The following SLC44A5 variants were observed in gnomAD, a reference collection of about 807,000 sequenced individuals.
SLC44A5 encodes the protein solute carrier family 44 member 5, also known as choline transporter-like protein 5.
In SLC44A5, 57 loss-of-function variants were observed where a neutral mutation model predicts 101.8. The observed-to-expected ratio is 0.56, with a 90% CI of 0.45 to 0.70. The LOEUF (loss-of-function observed/expected upper bound fraction) is 0.70. Ranked by LOEUF, SLC44A5 falls within the 30% of genes least tolerant of loss-of-function variation. The pLI is 0.00. For missense variants in SLC44A5, 737 were observed against 853.1 expected (o/e 0.86, Z 1.70); for synonymous variants, 281 against 290.9 (o/e 0.97, Z 0.35).
chr1:75,499,072 C>T (rs1019624468), intron 2 of SLC44A5, among the ~76,000 whole-genome samples: 3 of 152,158 alleles, frequency 2.0e-5, no homozygotes, highest in Non-Finnish European at 4.4e-5. Context: ...CAGTAGCATG[C>T]TGTGTAGGTT....
At chr1:75,709,773 A>G in the SLC44A5 span, among the ~76,000 whole-genome samples, 1 of 152,102 alleles carries the variant, frequency 6.6e-6, no homozygotes, top group Admixed American at 6.6e-5. Context: ...TCAGTTTTTA[A>G]TTTTGTTGAT....
intron 6 of SLC44A5, among the ~76,000 whole-genome samples, chr1:75,274,205 G>A (rs979907308): frequency 1.1e-4 from 16 of 151,658 alleles, no homozygotes; most frequent in African/African-American, 3.9e-4. Flanking sequence ...TCTAGAGCCA[G>A]CTTTTATAGA....
intron 4 of SLC44A5, among the ~76,000 whole-genome samples, chr1:75,324,909 T>C (rs550706829): frequency 1.3e-5 from 2 of 152,256 alleles, no homozygotes; most frequent in East Asian, 3.9e-4. Flanking sequence ...ATAGACCCAA[T>C]GAACAATGAA....
chr1:75,303,522 C>G (rs1394780819), intron 4 of SLC44A5, among the ~76,000 whole-genome samples: 1 of 152,118 alleles, frequency 6.6e-6, no homozygotes, highest in East Asian at 1.9e-4. Context: ...GCGTGAGCCA[C>G]CGCACCCGGC....
chr1:75,367,576 G>A (rs1192057340), intron 3 of SLC44A5, among the ~76,000 whole-genome samples: 2 of 152,184 alleles, frequency 1.3e-5, no homozygotes, highest in African/African-American at 4.8e-5. Flanking sequence ...CTGCTTCAGA[G>A]TCCACAGTCA....
At chr1:75,256,218 G>C (rs543106814) in intron 6 of SLC44A5, among the ~76,000 whole-genome samples, 11 of 152,234 alleles carry the variant, frequency 7.2e-5, no homozygotes, top group Admixed American at 7.2e-4. Flanking sequence ...CAGAATTAAA[G>C]CTATGCAATA....
rs527843206 is a variant in SLC44A5, at chr1:75,203,712, G to A, written c.*15C>T. On this transcript the variant is annotated 3_prime_UTR_variant, in exon 24 of 24. Transcript: ENST00000370859. ...AAAAGGTAACACACAGCTGTAGGAC[G>A]ACCAGTTTGCTCTTCTACTGCTTCC... 5.8e-6 allele frequency: 9 copies of A among 1,546,642 alleles called. No individual in the cohort carries two copies. The highest frequency in any genetic ancestry group is 1.2e-5 in the South Asian group (1 of 83,122).
intron 3 of SLC44A5, among the ~76,000 whole-genome samples, chr1:75,383,411 A>G (rs1479634592): frequency 6.6e-6 from 1 of 151,574 alleles, no homozygotes; most frequent in African/African-American, 2.4e-5. Flanking sequence ...CTCTCGTCCC[A>G]CCTTACGAGA....
At chr1:75,243,870 G>A (rs1648877930) in intron 7 of SLC44A5, among the ~76,000 whole-genome samples, 1 of 151,984 alleles carries the variant, frequency 6.6e-6, no homozygotes, top group South Asian at 2.1e-4. Flanking sequence ...GTGTTCATGA[G>A]GGCAGATCCT....
At chr1:75,584,362 G>A (rs143678938) in intron 1 of SLC44A5, among the ~76,000 whole-genome samples, 17 of 152,272 alleles carry the variant, frequency 1.1e-4, no homozygotes, top group East Asian at 1.9e-4. Flanking sequence ...TCTAGGTACC[G>A]TATCACATTA....
At chr1:75,487,750 T>C (rs951579668) in intron 2 of SLC44A5, among the ~76,000 whole-genome samples, 4 of 152,176 alleles carry the variant, frequency 2.6e-5, no homozygotes, top group Admixed American at 1.3e-4. Flanking sequence ...CAAAAACCTA[T>C]ATGAGATCGC....
the SLC44A5 span, among the ~76,000 whole-genome samples, chr1:75,619,712 T>C: frequency 6.6e-6 from 1 of 152,166 alleles, no homozygotes; most frequent in East Asian, 1.9e-4. Flanking sequence ...TCCTTGAGTA[T>C]GGTTCTAATT....
At position 75,463,067 on chromosome 1, in the gene SLC44A5, AC is replaced by A. The variant is rs576061025; in HGVS notation, c.14-66447del. ...GGTTATAGAACATCAAGCAGATTTA[AC>A]CCAAAGAAGTCTGTCTCAAGGCATT... On this transcript the variant is annotated intron_variant, in intron 2 of 23. Coordinates refer to ENST00000370859, the MANE Select transcript of SLC44A5 (RefSeq NM_001130058.2). 4.8e-3 allele frequency among the ~76,000 whole-genome samples: 733 copies of A among 152,310 alleles called. 10 individuals carry two copies. The highest frequency in any genetic ancestry group is 0.017 in the African/African-American group (703 of 41,560).
At chr1:75,495,313 G>T (rs1425106934) in intron 2 of SLC44A5, among the ~76,000 whole-genome samples, 1 of 151,980 alleles carries the variant, frequency 6.6e-6, no homozygotes, top group Non-Finnish European at 1.5e-5. Context: ...AAATTAGCCA[G>T]GTGTGGTGGC....
chr1:75,677,068 A>G, the SLC44A5 span, among the ~76,000 whole-genome samples: 1 of 152,182 alleles, frequency 6.6e-6, no homozygotes. Context: ...GAGGGATTTC[A>G]TCAACACCAG....
intron 1 of SLC44A5, among the ~76,000 whole-genome samples, chr1:75,577,181 T>C (rs1326430403): frequency 5.3e-5 from 8 of 152,208 alleles, no homozygotes; most frequent in Non-Finnish European, 1.5e-5. Flanking sequence ...AATCCTTGCT[T>C]GGGCTATTTC....
intron 2 of SLC44A5, among the ~76,000 whole-genome samples, chr1:75,483,078 C>T (rs1433976870): frequency 1.3e-5 from 2 of 152,048 alleles, no homozygotes; most frequent in African/African-American, 4.8e-5. Flanking sequence ...CTGAGCGTAA[C>T]AATAAATTAG....
chr1:75,458,756 G>C (rs1666331232), intron 2 of SLC44A5, among the ~76,000 whole-genome samples: 1 of 152,060 alleles, frequency 6.6e-6, no homozygotes, highest in Admixed American at 6.5e-5. Flanking sequence ...ATTAATATTA[G>C]TCTATAATCT....
At chr1:75,551,803 T>C (rs575249448) in intron 1 of SLC44A5, among the ~76,000 whole-genome samples, 1 of 152,222 alleles carries the variant, frequency 6.6e-6, no homozygotes, top group South Asian at 2.1e-4. Flanking sequence ...TTAATGTATA[T>C]TAAAGTGCCT....
Sources: allele counts gnomAD v4.1 joint callset (sites outside exome capture counted in the v4.1 genomes callset), GRCh38; gene constraint gnomAD v4.1.1; transcripts MANE v1.5; gene names NCBI Gene and HGNC (gene_info 2026-07-23, HGNC 2026-07-21).